CNDP1: variants seen among roughly 807,000 people sequenced by gnomAD.
The protein encoded by CNDP1 is beta-Ala-His dipeptidase.
A neutral mutation model predicts 58.1 loss-of-function variants in CNDP1; 44 were observed. That is an observed-to-expected ratio of 0.76 (90% confidence interval 0.60 to 0.97). The LOEUF (loss-of-function observed/expected upper bound fraction) is 0.97, where lower values mean the gene tolerates loss of function less well. CNDP1 is among the 50% of genes least tolerant of loss of function. The probability of loss-of-function intolerance (pLI) is 0.00; values close to 1 mark genes in which losing one functional copy is unlikely to be tolerated. For missense variants in CNDP1, 616 were observed against 655.1 expected (o/e 0.94, Z 0.65); for synonymous variants, 254 against 252.6 (o/e 1.01, Z -0.05).
At chr18:74,546,354 C>T (rs373047316) in intron 1 of CNDP1, among the ~76,000 whole-genome samples, 16 of 152,088 alleles carry the variant, frequency 1.1e-4, no homozygotes, top group African/African-American at 3.9e-4. Context: ...TCTTCCCCAC[C>T]GCCTACCCAC....
intron 1 of CNDP1, among the ~76,000 whole-genome samples, chr18:74,548,607 TAA>T (rs1245746843): frequency 6.6e-6 from 1 of 152,194 alleles, no homozygotes. Context: ...GGCATCGCTA[TAA>T]AGATACCTGA....
chr18:74,566,291 A>C (rs985117433), intron 5 of CNDP1, among the ~76,000 whole-genome samples: 2 of 152,254 alleles, frequency 1.3e-5, no homozygotes, highest in African/African-American at 2.4e-5. Flanking sequence ...CTTGGGGATT[A>C]ACATTAGGCT....
chr18:74,547,358 A>G (rs1454609110), intron 1 of CNDP1, among the ~76,000 whole-genome samples: 1 of 152,208 alleles, frequency 6.6e-6, no homozygotes, highest in Non-Finnish European at 1.5e-5. Flanking sequence ...GGTCTGGCTG[A>G]TTGGCCATTG....
intron 6 of CNDP1, among the ~76,000 whole-genome samples, chr18:74,569,924 G>A (rs1251449209): frequency 6.6e-6 from 1 of 151,668 alleles, no homozygotes; most frequent in African/African-American, 2.4e-5. Context: ...AGTGGCTCAT[G>A]CCTGTAATCC....
At chr18:74,551,591 G>A (rs575130302) in intron 1 of CNDP1, among the ~76,000 whole-genome samples, 29 of 152,224 alleles carry the variant, frequency 1.9e-4, no homozygotes, top group African/African-American at 6.0e-4. Flanking sequence ...AGATGAAGTC[G>A]TGCACTTCCC....
At chr18:74,567,159 G>C in intron 5 of CNDP1, 74 bp from the exon 6 acceptor site, 1 of 1,209,270 alleles carries the variant, frequency 8.3e-7, no homozygotes, top group South Asian at 1.2e-5. Flanking sequence ...TACAATTCAA[G>C]TTGAGATTTG....
chr18:74,564,817 G>T (rs779726807), intron 5 of CNDP1, among the ~76,000 whole-genome samples: 5 of 152,210 alleles, frequency 3.3e-5, no homozygotes, highest in Admixed American at 2.0e-4. Context: ...CTCCATTGCT[G>T]TAACAGAACT....
chr18:74,572,712 C>T (rs778256400), intron 7 of CNDP1, among the ~76,000 whole-genome samples: 12 of 147,764 alleles, frequency 8.1e-5, no homozygotes, highest in African/African-American at 2.5e-4. Flanking sequence ...CGCTTGAGCC[C>T]GGAAGGCAGA....
chr18:74,574,264 C>A (rs1981572594), intron 7 of CNDP1, among the ~76,000 whole-genome samples: 1 of 152,238 alleles, frequency 6.6e-6, no homozygotes, highest in South Asian at 2.1e-4. Flanking sequence ...TGCATGATAA[C>A]CTCCACTAAG....
rs149518777 is a variant in CNDP1 at position 74,539,863 on chromosome 18, G to A, written c.24+5172G>A. Among the ~76,000 whole-genome samples the A allele has an allele frequency of 8.9e-3, 1,360 of 152,268 alleles. 26 individuals are homozygous for A. Among genetic ancestry groups the A allele is most frequent in the African/African-American group, 0.031 (1,285 of 41,542 alleles). On this transcript the variant is annotated intron_variant, in intron 1 of 11. Transcript: ENST00000358821. ...ATGTGGCCCATCTTGTTTCAAGAGA[G>A]CCCCTCCCAGGACCCCCACTCTCAG...
intron 10 of CNDP1, among the ~76,000 whole-genome samples, chr18:74,582,838 G>A (rs746432188): frequency 1.6e-4 from 24 of 152,138 alleles, no homozygotes; most frequent in South Asian, 2.1e-4. Flanking sequence ...ACATTGCACC[G>A]TTGTCAGTTT....
In CNDP1 at chr18:74,560,915, T is replaced by A. The variant is rs1981177140; in HGVS notation, c.363T>A (p.Asp121Glu). The A allele has an allele frequency of 1.9e-6, 3 of 1,614,016 alleles. No homozygotes were observed. The highest frequency in any genetic ancestry group is 2.5e-6 in the Non-Finnish European group (3 of 1,180,024). Residue 121 changes from aspartate to glutamate, a missense_variant, in exon 4 of 12, where the codon GAT becomes GAA. Asp to Glu is a conservative substitution (Grantham distance 45). Coordinates refer to ENST00000358821, the MANE Select transcript of CNDP1 (RefSeq NM_032649.6). ...PPVILAELGS[D>E]PTKGTVCFYG... Reference sequence around the variant, plus strand: ...TCATCCTGGCCGAACTGGGGAGCGATCCCACGAAAGGCACCGTGTGCTTCT... The same window carrying A: ...TCATCCTGGCCGAACTGGGGAGCGAACCCACGAAAGGCACCGTGTGCTTCT...
chr18:74,559,292 A>G (rs367609673), intron 2 of CNDP1, 31 bp from the exon 3 acceptor site: 26 of 1,613,294 alleles, frequency 1.6e-5, no homozygotes, highest in Non-Finnish European at 1.9e-5. Flanking sequence ...TGGGACCCCA[A>G]TGCTAATGGC....
chr18:74,535,293 A>T (rs1980458760), intron 1 of CNDP1, among the ~76,000 whole-genome samples: 1 of 151,760 alleles, frequency 6.6e-6, no homozygotes, highest in African/African-American at 2.4e-5. Flanking sequence ...AAATTCATGG[A>T]CGCTTTTTAT....
intron 1 of CNDP1, among the ~76,000 whole-genome samples, chr18:74,546,002 T>G (rs1219049506): frequency 2.0e-5 from 3 of 152,186 alleles, no homozygotes. Flanking sequence ...CCCAGCCTTG[T>G]CTGATGACAC....
chr18:74,549,312 T>C (rs928033493), intron 1 of CNDP1, among the ~76,000 whole-genome samples: 2 of 152,244 alleles, frequency 1.3e-5, no homozygotes, highest in African/African-American at 4.8e-5. Context: ...ACATTGTTCT[T>C]GAACAATTGT....
chr18:74,577,865 G>A (rs9953867), intron 8 of CNDP1: 11 of 275,278 alleles, frequency 4.0e-5, no homozygotes, highest in Admixed American at 1.9e-4. Context: ...CACACTGAAC[G>A]TGCCCGATCT....
intron 7 of CNDP1, among the ~76,000 whole-genome samples, chr18:74,573,355 TTATC>T (rs1450231376): frequency 8.0e-5 from 12 of 150,506 alleles, no homozygotes; most frequent in African/African-American, 2.2e-4. Context: ...CATCCATTCA[TTATC>T]TATCCATCTA....
At chr18:74,573,935 CTA>C (rs1362917656) in intron 7 of CNDP1, among the ~76,000 whole-genome samples, 2 of 152,302 alleles carry the variant, frequency 1.3e-5, no homozygotes, top group East Asian at 3.9e-4. Flanking sequence ...ATTGTGTCCT[CTA>C]TGTGGTTTTC....
Sources: allele counts gnomAD v4.1 joint callset (sites outside exome capture counted in the v4.1 genomes callset), GRCh38; gene constraint gnomAD v4.1.1; transcripts MANE v1.5; gene names NCBI Gene and HGNC (gene_info 2026-07-23, HGNC 2026-07-21).